Variants in HCRTR2 observed in about 807,000 individuals in gnomAD.
HCRTR2 encodes orexin receptor type 2.
HCRTR2 carries 22 observed loss-of-function variants against 49.0 expected under a neutral mutation model. That is an observed-to-expected ratio of 0.45 (90% CI 0.32 to 0.64). HCRTR2 has a LOEUF of 0.64. Among genes scored for constraint, HCRTR2 ranks in the 30% least tolerant of loss-of-function variants. The probability of loss-of-function intolerance (pLI) is 0.04; values close to 1 mark genes in which losing one functional copy is unlikely to be tolerated. For missense variants in HCRTR2, 491 were observed against 559.4 expected, an observed-to-expected ratio of 0.88 and a Z score of 1.23; for synonymous variants, 236 against 205.3, an observed-to-expected ratio of 1.15 and a Z score of -1.28.
At chr6:55,225,911 T>C (rs1461745620) in intron 1 of HCRTR2, among the ~76,000 whole-genome samples, 2 of 152,220 alleles carry the variant, frequency 1.3e-5, no homozygotes, top group Non-Finnish European at 2.9e-5. Flanking sequence ...TACTTAGGCT[T>C]ATCATTGACA....
At chr6:55,282,065 C>T (rs1767200656) in intron 6 of HCRTR2, among the ~76,000 whole-genome samples, 160 bp from the exon 7 acceptor site, 1 of 152,148 alleles carries the variant, frequency 6.6e-6, no homozygotes, top group Non-Finnish European at 1.5e-5. Context: ...TACCAAGCTT[C>T]CAATAAACTC....
chr6:55,232,204 A>T (rs1158633991), intron 1 of HCRTR2, among the ~76,000 whole-genome samples: 1 of 152,198 alleles, frequency 6.6e-6, no homozygotes, highest in South Asian at 2.1e-4. Flanking sequence ...CATGTAATTC[A>T]GTTTCATACT....
intron 1 of HCRTR2, among the ~76,000 whole-genome samples, chr6:55,167,228 C>A (rs1488493576): frequency 6.6e-6 from 1 of 152,124 alleles, no homozygotes; most frequent in Non-Finnish European, 1.5e-5. Context: ...AAGGTGGGAT[C>A]GCTTCCACAG....
At chr6:55,219,172 G>A (rs73437048) in intron 1 of HCRTR2, among the ~76,000 whole-genome samples, 2,299 of 152,176 alleles carry the variant, frequency 0.015, 65 homozygotes, top group African/African-American at 0.052. Flanking sequence ...AATGAGAAGC[G>A]GATTGAACAA....
intron 1 of HCRTR2, among the ~76,000 whole-genome samples, chr6:55,183,833 C>A (rs1765172727): frequency 6.6e-6 from 1 of 151,848 alleles, no homozygotes. Context: ...GAAGGAAAAA[C>A]AAGGAAAGAA....
chr6:55,167,142 A>C (rs998803128), intron 1 of HCRTR2, among the ~76,000 whole-genome samples: 2 of 152,192 alleles, frequency 1.3e-5, no homozygotes, highest in African/African-American at 4.8e-5. Context: ...TTAAAACATT[A>C]CTGTTGTGTT....
chr6:55,205,113 T>C (rs1188631090), intron 1 of HCRTR2, among the ~76,000 whole-genome samples: 1 of 152,172 alleles, frequency 6.6e-6, no homozygotes, highest in Non-Finnish European at 1.5e-5. Flanking sequence ...GTTTTGAATG[T>C]CTATTCGATA....
At chr6:55,204,298 C>A (rs1341717209) in intron 1 of HCRTR2, among the ~76,000 whole-genome samples, 1 of 152,176 alleles carries the variant, frequency 6.6e-6, no homozygotes, top group Non-Finnish European at 1.5e-5. Flanking sequence ...ACCCAGAGGG[C>A]ACCCTCTGGA....
chr6:55,199,954 A>G (rs1765481888), intron 1 of HCRTR2, among the ~76,000 whole-genome samples: 1 of 152,244 alleles, frequency 6.6e-6, no homozygotes, highest in Non-Finnish European at 1.5e-5. Context: ...CACCTCTTGT[A>G]CAATGAATGT....
At chr6:55,165,222 GGAGAGA>G (rs35805278) in intron 1 of HCRTR2, among the ~76,000 whole-genome samples, 1 of 150,722 alleles carries the variant, frequency 6.6e-6, no homozygotes, top group African/African-American at 2.4e-5. Flanking sequence ...TAAAAAGGAA[GGAGAGA>G]GAGAGAGAGA....
In HCRTR2 at chr6:55,277,610, A is replaced by G; in HGVS notation, c.983+10A>G. 6.3e-7 allele frequency: 1 copy of G among 1,581,324 alleles called. No homozygotes were observed. Among genetic ancestry groups the G allele is most frequent in the Non-Finnish European group, 8.7e-7 (1 of 1,151,106 alleles). On this transcript the variant is annotated intron_variant, in intron 5 of 6. Transcript: ENST00000370862. ...TCAATGTGCTAAAGAGGTAAAACTT[A>G]TCTGTTATTTGAAAATGAAATAGCC... is the stretch of plus-strand genomic sequence containing the variant.
chr6:55,268,026 C>G (rs1365506495), intron 4 of HCRTR2, among the ~76,000 whole-genome samples: 1 of 151,994 alleles, frequency 6.6e-6, no homozygotes, highest in East Asian at 1.9e-4. Flanking sequence ...GAAGATTCAC[C>G]TTATAATGTA....
At chr6:55,224,193 C>T (rs1765952526) in intron 1 of HCRTR2, among the ~76,000 whole-genome samples, 1 of 152,152 alleles carries the variant, frequency 6.6e-6, no homozygotes, top group African/African-American at 2.4e-5. Flanking sequence ...TATGGTCTAG[C>T]AATCACACTT....
intron 1 of HCRTR2, among the ~76,000 whole-genome samples, chr6:55,168,980 C>CCATT (rs923329183): frequency 1.1e-4 from 17 of 151,882 alleles, no homozygotes; most frequent in Non-Finnish European, 2.5e-4. Flanking sequence ...AATCTGGTTA[C>CCATT]CATTCATTCT....
chr6:55,221,595 C>A lies in HCRTR2; in HGVS notation c.224-27044C>A, dbSNP rs745904459. Reference sequence around the variant, plus strand: ...TTGGGAGGCCAAGGGGGTCAGATCACGAGGTCAGAAGATCGAGACCATCCT... The same window carrying A: ...TTGGGAGGCCAAGGGGGTCAGATCAAGAGGTCAGAAGATCGAGACCATCCT... On this transcript the variant is annotated intron_variant, in intron 1 of 6. Transcript: ENST00000370862. Among the ~76,000 whole-genome samples, 11 of 152,170 alleles carry A rather than the reference C, an allele frequency of 7.2e-5. No individual in the cohort carries two copies. The East Asian group carries it at 1.7e-3, about 24-fold the overall frequency.
intron 1 of HCRTR2, among the ~76,000 whole-genome samples, chr6:55,155,939 C>T (rs1025111436): frequency 6.6e-6 from 1 of 151,800 alleles, no homozygotes; most frequent in South Asian, 2.1e-4. Context: ...AACTTGTTCT[C>T]TTCTACTTCT....
intron 5 of HCRTR2, among the ~76,000 whole-genome samples, chr6:55,278,245 C>T (rs1335129377): frequency 1.3e-5 from 2 of 152,200 alleles, no homozygotes; most frequent in South Asian, 4.1e-4. Flanking sequence ...TGACCCATGA[C>T]ATGAGCAGCA....
At chr6:55,160,180 A>G (rs1455071429) in intron 1 of HCRTR2, among the ~76,000 whole-genome samples, 2 of 152,220 alleles carry the variant, frequency 1.3e-5, no homozygotes, top group African/African-American at 4.8e-5. Context: ...GAAGGCCAAT[A>G]TTCAACATGC....
chr6:55,224,803 A>T (rs530150543), intron 1 of HCRTR2, among the ~76,000 whole-genome samples: 3 of 152,186 alleles, frequency 2.0e-5, no homozygotes, highest in Non-Finnish European at 4.4e-5. Flanking sequence ...AATCTAAAAA[A>T]GTTGACTTCA....
Sources: allele counts gnomAD v4.1 joint callset (sites outside exome capture counted in the v4.1 genomes callset), GRCh38; gene constraint gnomAD v4.1.1; transcripts MANE v1.5; gene names NCBI Gene and HGNC (gene_info 2026-07-23, HGNC 2026-07-21).